The following RAI1 variants were observed in gnomAD, a reference collection of about 807,000 sequenced individuals.
RAI1 encodes the protein retinoic acid induced 1.
RAI1 carries 9 observed loss-of-function variants against 123.8 expected under a neutral mutation model. That is an observed-to-expected ratio of 0.07 (90% CI 0.04 to 0.13). RAI1 has a LOEUF of 0.13. RAI1 is among the 10% of genes least tolerant of loss of function. The pLI is 1.00. For synonymous variants in RAI1, 1,231 were observed against 1,127.3 expected, an observed-to-expected ratio of 1.09 and a Z score of -1.84; for missense variants, 2,256 against 2,545.8, an observed-to-expected ratio of 0.89 and a Z score of 2.45.
At chr17:17,715,418 A>G (rs1264257556) in intron 1 of RAI1, among the ~76,000 whole-genome samples, 2 of 152,218 alleles carry the variant, frequency 1.3e-5, no homozygotes, top group African/African-American at 4.8e-5. Context: ...CTCACCTCAG[A>G]GGATGGCTGA....
At chr17:17,767,848 G>A (rs2031000689) in intron 2 of RAI1, among the ~76,000 whole-genome samples, 1 of 152,210 alleles carries the variant, frequency 6.6e-6, no homozygotes, top group African/African-American at 2.4e-5. Flanking sequence ...GTGGCAGGGT[G>A]GGCACAGGGC....
chr17:17,696,949 G>A (rs185247276), intron 1 of RAI1, among the ~76,000 whole-genome samples: 32 of 152,322 alleles, frequency 2.1e-4, no homozygotes, highest in Non-Finnish European at 4.3e-4. Flanking sequence ...GGTTTCTGCT[G>A]CCCTTGGCTC....
At chr17:17,783,854 T>C (rs1322490576) in intron 2 of RAI1, among the ~76,000 whole-genome samples, 2 of 151,922 alleles carry the variant, frequency 1.3e-5, no homozygotes, top group Non-Finnish European at 2.9e-5. Flanking sequence ...TCGTTTCAAT[T>C]ACCCTAAGTA....
In RAI1 at chr17:17,793,420, G is replaced by A; in HGVS notation, c.472G>A (p.Ala158Thr). Reference protein sequence around the residue: ...KTAVPPSRQYAEQGAQVPFRT... With the variant: ...KTAVPPSRQYTEQGAQVPFRT... ...AGCAGTGCCCCCCAGCAGGCAGTAT[G>A]CAGAGCAGGGCGCCCAGGTGCCCTT... The change falls in exon 3 of 6, where the codon GCA (alanine) becomes ACA (threonine). Residue 158 changes from alanine (A) to threonine (T), a missense_variant. Ala to Thr is a moderately conservative substitution (Grantham distance 58). Transcript: ENST00000353383. The A allele has an allele frequency of 6.2e-7, 1 of 1,613,434 alleles. No individual in the cohort carries two copies. The highest frequency in any genetic ancestry group is 8.5e-7 in the Non-Finnish European group (1 of 1,179,732).
intron 3 of RAI1, 126 bp downstream of exon 3, chr17:17,798,639 T>C (rs1197804506): frequency 6.8e-7 from 1 of 1,469,356 alleles, no homozygotes; most frequent in Non-Finnish European, 9.1e-7. Context: ...CTCGGGACAA[T>C]CTGCAGAGTC....
chr17:17,687,118 G>A (rs111334234), intron 1 of RAI1, among the ~76,000 whole-genome samples: 4,028 of 152,208 alleles, frequency 0.026, 178 homozygotes, highest in African/African-American at 0.092. Flanking sequence ...AAGTAGCTGG[G>A]ATTACAGGCG....
At chr17:17,719,319 C>T (rs1377666997) in intron 1 of RAI1, among the ~76,000 whole-genome samples, 2 of 152,228 alleles carry the variant, frequency 1.3e-5, no homozygotes, top group Admixed American at 1.3e-4. Context: ...CTGCCCACAT[C>T]TCTTTCTGCT....
intron 1 of RAI1, among the ~76,000 whole-genome samples, chr17:17,706,754 G>C (rs547995769): frequency 1.3e-5 from 2 of 152,338 alleles, no homozygotes; most frequent in Admixed American, 1.3e-4. Context: ...GGTGGGGCCT[G>C]CCCTGGGAGC....
intron 2 of RAI1, among the ~76,000 whole-genome samples, chr17:17,730,038 C>T (rs979753356): frequency 1.1e-4 from 16 of 152,170 alleles, no homozygotes; most frequent in African/African-American, 3.6e-4. Context: ...TCAGCATCCA[C>T]CTGTTCCCCA....
At chr17:17,805,794 A>T (rs867824217) in intron 4 of RAI1, among the ~76,000 whole-genome samples, 1 of 152,040 alleles carries the variant, frequency 6.6e-6, no homozygotes, top group Admixed American at 6.5e-5. Context: ...TTTAACATGG[A>T]CCCTGCCACT....
chr17:17,681,570 G>C lies in RAI1; in HGVS notation c.-372G>C. 5.2e-6 allele frequency: 1 copy of C among 191,540 alleles called. No individual in the cohort carries two copies. The highest frequency in any genetic ancestry group is 1.0e-5 in the Non-Finnish European group (1 of 95,338). 11.9% of individuals were successfully genotyped at this position (191,540 alleles called of 1,614,324 possible). On this transcript the variant is annotated 5_prime_UTR_variant, in exon 1 of 6. Coordinates refer to ENST00000353383, the MANE Select transcript of RAI1 (RefSeq NM_030665.4). ...CGCCCGCGGCTGGGCTCCGAGAGAC[G>C]AGTGGGAGAGCGAGTGCAGCGAGGG...
rs936580791 is a variant in RAI1, at chr17:17,809,594, C to A, written c.5709+155C>A. Among the ~76,000 whole-genome samples the A allele has an allele frequency of 6.6e-6, 1 of 152,022 alleles. No individual in the cohort carries two copies. Among genetic ancestry groups the A allele is most frequent in the Non-Finnish European group, 1.5e-5 (1 of 67,966 alleles). On this transcript the variant is annotated intron_variant, in intron 5 of 5. Transcript: ENST00000353383. This position sits in a 1 kb window ranked among gnomAD's most constrained non-coding sequence, Gnocchi z 4.9. ...AGCTCTCCCCGCCCACCCCCAGGAG[C>A]CCCCGCCGCCGTCCAGCTCAGGTCC...
intron 2 of RAI1, among the ~76,000 whole-genome samples, chr17:17,749,599 C>G (rs77181910): frequency 0.01 from 1,554 of 152,338 alleles, 18 homozygotes; most frequent in South Asian, 0.029. Flanking sequence ...ATCTTCCCCC[C>G]CTCTTGGTAC....
Position 17,681,703 on chromosome 17 carries a change from G to C in RAI1, c.-239G>C, listed in dbSNP as rs1003934200. 11 of 302,852 alleles carry C rather than the reference G, an allele frequency of 3.6e-5. No homozygotes were observed. The highest frequency in any genetic ancestry group is 2.2e-4 in the African/African-American group (10 of 44,886). The allele number at this position is 302,852 out of a possible 1,614,324, so 18.8% of individuals were successfully genotyped here. A position where few individuals can be genotyped will look rare whatever the true frequency, so the allele number is the denominator to read the frequency against. ...TGCCTGGCCGCGGGCCGGCCGGGCC[G>C]CCGCGCCCCGACCCCCATGGCCACC... On this transcript the variant is annotated 5_prime_UTR_variant, in exon 1 of 6. Transcript: ENST00000353383.
At chr17:17,747,873 G>A (rs780729940) in intron 2 of RAI1, among the ~76,000 whole-genome samples, 2 of 152,182 alleles carry the variant, frequency 1.3e-5, no homozygotes, top group Non-Finnish European at 2.9e-5. Context: ...AGACCATCCT[G>A]GGCAACACAG....
intron 4 of RAI1, among the ~76,000 whole-genome samples, chr17:17,805,564 G>C (rs2143005575): frequency 6.6e-6 from 1 of 152,290 alleles, no homozygotes; most frequent in African/African-American, 2.4e-5. Flanking sequence ...GCTTTGCCTG[G>C]ACAGGGGACC....
At chr17:17,701,481 C>A (rs527645307) in intron 1 of RAI1, among the ~76,000 whole-genome samples, 23 of 152,330 alleles carry the variant, frequency 1.5e-4, no homozygotes, top group African/African-American at 5.5e-4. Context: ...TCTCACTCTT[C>A]TCTTTTTGCA....
At chr17:17,777,694 A>G (rs1049698277) in intron 2 of RAI1, 7 of 152,260 alleles carry the variant, frequency 4.6e-5, no homozygotes, top group Admixed American at 3.3e-4. Context: ...AATGTGGGGA[A>G]TTACCAAGGG....
intron 2 of RAI1, among the ~76,000 whole-genome samples, chr17:17,745,539 A>G (rs1051667051): frequency 6.6e-5 from 10 of 151,946 alleles, no homozygotes; most frequent in African/African-American, 2.4e-4. Context: ...CTGGGATTAC[A>G]GGCACGTGCC....
Sources: gnomAD v4.1 joint callset for allele counts (sites outside exome capture counted in the v4.1 genomes callset) on GRCh38, gnomAD v4.1.1 for gene constraint, Gnocchi (gnomAD v3.1) non-coding constraint, MANE v1.5 for transcripts, NCBI Gene and HGNC (gene_info 2026-07-23, HGNC 2026-07-21) for gene names.